The following DISP1 variants were observed in gnomAD, a reference collection of about 807,000 sequenced individuals.
DISP1 encodes protein dispatched homolog 1.
In DISP1, 30 loss-of-function variants were observed where a neutral mutation model predicts 37.3. The ratio of observed to expected loss-of-function variants is 0.80; its 90% CI spans 0.60 to 1.09. The LOEUF (loss-of-function observed/expected upper bound fraction) is 1.09, where lower values mean the gene tolerates loss of function less well. Ranked by LOEUF, DISP1 falls within the 50% of genes least tolerant of loss-of-function variation. DISP1 has a pLI of 0.00. For synonymous variants in DISP1, 634 were observed against 690.2 expected (o/e 0.92, Z 1.28); for missense variants, 1,598 against 1,879.5 (o/e 0.85, Z 2.77).
In DISP1 at chr1:222,893,162, T is replaced by A. The variant is rs1299449079; in HGVS notation, c.-158-35268T>A. Among the ~76,000 whole-genome samples the A allele has an allele frequency of 2.0e-5, 3 of 152,374 alleles. No individual in the cohort carries two copies. Among genetic ancestry groups the A allele is most frequent in the East Asian group, 3.9e-4 (2 of 5,192 alleles). ...CACAATACCACAATATATTGGTTGATAATTATAAACCATGCCTTTATTATT... is the reference window on the plus strand; with the variant it reads ...CACAATACCACAATATATTGGTTGAAAATTATAAACCATGCCTTTATTATT... On this transcript the variant is annotated intron_variant, in intron 1 of 8. Coordinates refer to ENST00000675850, the MANE Select transcript of DISP1 (RefSeq NM_001377229.1). The surrounding 1 kb of genome is among the most constrained non-coding windows in gnomAD (Gnocchi z 4.3).
At chr1:222,964,511 A>G (rs886159273) in intron 3 of DISP1, among the ~76,000 whole-genome samples, 1 of 152,118 alleles carries the variant, frequency 6.6e-6, no homozygotes, top group African/African-American at 2.4e-5. Context: ...ACAAGTGCTT[A>G]CTACGTAGCA....
intron 1 of DISP1, among the ~76,000 whole-genome samples, chr1:222,877,538 G>C (rs1359398772): frequency 6.6e-6 from 1 of 152,152 alleles, no homozygotes; most frequent in East Asian, 1.9e-4. Flanking sequence ...GATGAGATTT[G>C]GGTGGGGACA....
chr1:222,889,956 A>G (rs1475130324), intron 1 of DISP1, among the ~76,000 whole-genome samples: 1 of 152,192 alleles, frequency 6.6e-6, no homozygotes, highest in East Asian at 1.9e-4. Context: ...TTAAATATCA[A>G]CTGGAAAGTA....
At position 222,983,118 on chromosome 1, in the gene DISP1, A is replaced by G; in HGVS notation, c.539+9A>G. ...TTCAAGTTGCCAAAAAGGTAAAGTAATCTGGGTCATCTTATTAAATAATAA... is the reference window on the plus strand; with the variant it reads ...TTCAAGTTGCCAAAAAGGTAAAGTAGTCTGGGTCATCTTATTAAATAATAA... On this transcript the variant is annotated intron_variant, in intron 4 of 8. Transcript: ENST00000675850. 4 of 1,595,614 alleles carry G rather than the reference A, an allele frequency of 2.5e-6. No homozygotes were observed. Among genetic ancestry groups the G allele is most frequent in the Non-Finnish European group, 3.4e-6 (4 of 1,164,490 alleles).
At chr1:222,944,903 A>G (rs758894961) in intron 3 of DISP1, among the ~76,000 whole-genome samples, 10 of 152,160 alleles carry the variant, frequency 6.6e-5, no homozygotes, top group Non-Finnish European at 1.3e-4. Flanking sequence ...GCTGCAGCTC[A>G]TGGCTGCGGG....
intron 1 of DISP1, among the ~76,000 whole-genome samples, chr1:222,898,510 AT>A (rs1671400432): frequency 6.7e-6 from 1 of 149,576 alleles, no homozygotes; most frequent in Non-Finnish European, 1.5e-5. Context: ...TAATACACTT[AT>A]CCCTTAAACC....
intron 1 of DISP1, among the ~76,000 whole-genome samples, chr1:222,818,152 G>A (rs1661714482): frequency 6.6e-6 from 1 of 152,116 alleles, no homozygotes; most frequent in South Asian, 2.1e-4. Context: ...TTGCATGGGG[G>A]GGTGGGGGAA....
intron 1 of DISP1, among the ~76,000 whole-genome samples, chr1:222,869,498 C>T (rs1158076875): frequency 6.6e-6 from 1 of 152,060 alleles, no homozygotes; most frequent in African/African-American, 2.4e-5. Flanking sequence ...TATGGCACCA[C>T]CAAATTAATA....
chr1:222,892,465 C>T (rs893237492), intron 1 of DISP1, among the ~76,000 whole-genome samples: 3 of 151,958 alleles, frequency 2.0e-5, no homozygotes, highest in South Asian at 2.1e-4. Flanking sequence ...AGTGGTGTCC[C>T]GAGAAATAAT....
At chr1:222,954,137 T>TA (rs138418561) in intron 3 of DISP1, among the ~76,000 whole-genome samples, 3 of 151,646 alleles carry the variant, frequency 2.0e-5, no homozygotes, top group African/African-American at 4.8e-5. Flanking sequence ...AGTGAGACTT[T>TA]AAAAAAAAAT....
intron 1 of DISP1, among the ~76,000 whole-genome samples, chr1:222,849,367 C>T (rs562376159): frequency 2.6e-5 from 4 of 152,204 alleles, no homozygotes; most frequent in African/African-American, 9.6e-5. Context: ...ATTACTGAAA[C>T]TCTGAGAAGA....
intron 1 of DISP1, among the ~76,000 whole-genome samples, chr1:222,846,345 G>T (rs960283995): frequency 1.3e-5 from 2 of 152,206 alleles, no homozygotes; most frequent in African/African-American, 4.8e-5. Context: ...TACAAAATTA[G>T]CTGGGTGTGG....
At chr1:222,906,882 C>G (rs1447505121) in intron 1 of DISP1, among the ~76,000 whole-genome samples, 3 of 152,156 alleles carry the variant, frequency 2.0e-5, no homozygotes, top group Non-Finnish European at 4.4e-5. Context: ...TGCTCAGACC[C>G]AAGAACCCTC....
chr1:222,917,319 G>A (rs1672551476), intron 1 of DISP1, among the ~76,000 whole-genome samples: 1 of 152,178 alleles, frequency 6.6e-6, no homozygotes, highest in Non-Finnish European at 1.5e-5. Context: ...GGCGAACAGG[G>A]ACAGATAGAG....
At chr1:222,909,806 T>G (rs1309961117) in intron 1 of DISP1, among the ~76,000 whole-genome samples, 1 of 152,176 alleles carries the variant, frequency 6.6e-6, no homozygotes, top group African/African-American at 2.4e-5. Flanking sequence ...GTTGCTCAAC[T>G]ACTCCTCAGC....
intron 1 of DISP1, among the ~76,000 whole-genome samples, chr1:222,903,998 G>A (rs898094397): frequency 6.6e-6 from 1 of 152,104 alleles, no homozygotes; most frequent in East Asian, 1.9e-4. Context: ...GCCTTACTTA[G>A]ATCAAATAAA....
At chr1:222,871,957 G>A (rs1343373231) in intron 1 of DISP1, among the ~76,000 whole-genome samples, 6 of 152,042 alleles carry the variant, frequency 3.9e-5, no homozygotes, top group Admixed American at 1.3e-4. Context: ...TTTGAGATAC[G>A]TCCCATCAAT....
At chr1:222,975,924 C>T (rs1558063086) in intron 3 of DISP1, among the ~76,000 whole-genome samples, 2 of 152,160 alleles carry the variant, frequency 1.3e-5, no homozygotes, top group Non-Finnish European at 2.9e-5. Flanking sequence ...GAAAGAATGA[C>T]ACTGCAGCTG....
At chr1:222,861,288 G>T (rs192791799) in intron 1 of DISP1, among the ~76,000 whole-genome samples, 27 of 152,262 alleles carry the variant, frequency 1.8e-4, no homozygotes. Context: ...TAAGTCACTT[G>T]TGGTTACAGT....
Sources: allele counts gnomAD v4.1 joint callset (sites outside exome capture counted in the v4.1 genomes callset), GRCh38; gene constraint gnomAD v4.1.1; non-coding constraint Gnocchi (gnomAD v3.1); transcripts MANE v1.5; gene names NCBI Gene and HGNC (gene_info 2026-07-23, HGNC 2026-07-21).